Variants in ANKRD44 observed in about 807,000 individuals in gnomAD.
ANKRD44 encodes the protein serine/threonine-protein phosphatase 6 regulatory ankyrin repeat subunit B.
In ANKRD44, 35 loss-of-function variants were observed where a neutral mutation model predicts 116.0. The observed-to-expected ratio is 0.30, with a 90% confidence interval of 0.23 to 0.40. ANKRD44 has a LOEUF of 0.40. Among genes scored for constraint, ANKRD44 ranks in the 10% least tolerant of loss-of-function variants. The pLI, the probability that ANKRD44 is intolerant of heterozygous loss-of-function variation, is 1.00. For missense variants in ANKRD44, 1,014 were observed against 1,242.6 expected (o/e 0.82, Z 2.77); for synonymous variants, 435 against 461.8 (o/e 0.94, Z 0.74).
intron 27 of ANKRD44, among the ~76,000 whole-genome samples, chr2:196,993,162 AG>A (rs2125880455): frequency 6.6e-6 from 1 of 152,334 alleles, no homozygotes; most frequent in African/African-American, 2.4e-5. Context: ...AGAAAAAAAA[AG>A]TTTGATCTCA....
intron 4 of ANKRD44, among the ~76,000 whole-genome samples, chr2:197,130,889 G>C (rs2079079781): frequency 6.6e-6 from 1 of 152,168 alleles, no homozygotes; most frequent in South Asian, 2.1e-4. Context: ...TACCAGTTGG[G>C]TCTTCTGTCT....
At chr2:197,227,601 C>CA (rs140740345) in intron 1 of ANKRD44, among the ~76,000 whole-genome samples, 67,899 of 148,898 alleles carry the variant, frequency 0.46, 15,671 homozygotes, top group Middle Eastern at 0.65. Context: ...TTTGTTTTAC[C>CA]AAAAAAAACA....
At chr2:197,192,760 AAT>A (rs1276919654) in intron 1 of ANKRD44, among the ~76,000 whole-genome samples, 9 of 152,202 alleles carry the variant, frequency 5.9e-5, no homozygotes, top group African/African-American at 2.2e-4. Flanking sequence ...GTTCTTCCTG[AAT>A]ATAGATCACC....
chr2:197,288,077 C>T (rs1277449371), intron 1 of ANKRD44, among the ~76,000 whole-genome samples: 1 of 151,604 alleles, frequency 6.6e-6, no homozygotes, highest in East Asian at 1.9e-4. Context: ...GATGTACTCC[C>T]TCAAGACCAA....
intron 1 of ANKRD44, among the ~76,000 whole-genome samples, chr2:197,297,636 T>C (rs2083762239): frequency 6.6e-6 from 1 of 152,186 alleles, no homozygotes; most frequent in Non-Finnish European, 1.5e-5. Flanking sequence ...GCTGTGCACA[T>C]AGCCCAGGTC....
rs763668398 is a variant in ANKRD44, at chr2:197,125,874, G to A, written c.425C>T (p.Thr142Ile). Residue 142 changes from threonine (T) to isoleucine (I), a missense_variant, in exon 5 of 28, where the codon ACA (threonine) becomes ATA (isoleucine). Transcript: ENST00000282272. ...SVNVSDRGGRTALHHAALNGH... is the reference protein window; with the variant it reads ...SVNVSDRGGRIALHHAALNGH... ...GTTCAGAGCCGCATGGTGCAAGGCT[G>A]TGCGCCCCCCTCGGTCGGAGACATT... 5.0e-6 allele frequency: 8 copies of A among 1,614,046 alleles called. No individual in the cohort carries two copies. Among genetic ancestry groups the A allele is most frequent in the Non-Finnish European group, 6.8e-6 (8 of 1,180,044 alleles).
At chr2:197,204,105 A>G (rs1392350502) in intron 1 of ANKRD44, among the ~76,000 whole-genome samples, 2 of 152,216 alleles carry the variant, frequency 1.3e-5, no homozygotes, top group Non-Finnish European at 2.9e-5. Context: ...TTTTGCCACA[A>G]TAAAAAAAAT....
intron 1 of ANKRD44, among the ~76,000 whole-genome samples, chr2:197,293,995 T>C (rs889324177): frequency 2.0e-5 from 3 of 152,122 alleles, no homozygotes; most frequent in Admixed American, 6.6e-5. Context: ...GCAAATGAAA[T>C]GCACCTCAGA....
intron 1 of ANKRD44, among the ~76,000 whole-genome samples, chr2:197,213,859 A>G (rs540469136): frequency 3.9e-5 from 6 of 152,248 alleles, no homozygotes; most frequent in East Asian, 3.8e-4. Flanking sequence ...AGGTACATAC[A>G]GCAACTTTAA....
At chr2:197,119,188 C>A (rs2078794407) in intron 8 of ANKRD44, among the ~76,000 whole-genome samples, 1 of 151,770 alleles carries the variant, frequency 6.6e-6, no homozygotes. Flanking sequence ...TTTTTGTAGT[C>A]ATATATATGA....
chr2:197,202,036 GCCCCTCCTCCA>G (rs2081102626), intron 1 of ANKRD44, among the ~76,000 whole-genome samples: 1 of 152,340 alleles, frequency 6.6e-6, no homozygotes, highest in East Asian at 1.9e-4. Context: ...ACTTTTAGCT[GCCCCTCCTCCA>G]CCCAGGGATA....
intron 1 of ANKRD44, among the ~76,000 whole-genome samples, chr2:197,294,932 T>A (rs1022467090): frequency 6.6e-6 from 1 of 152,192 alleles, no homozygotes; most frequent in African/African-American, 2.4e-5. Context: ...ACATATTAAC[T>A]GTTTCTGAGT....
Position 197,083,661 on chromosome 2 carries a change from C to T in ANKRD44, c.1317-152G>A, listed in dbSNP as rs181809592. 11 of 681,864 alleles carry T rather than the reference C, an allele frequency of 1.6e-5. No homozygotes were observed. In the East Asian group the frequency reaches 3.1e-4, roughly 19 times the overall value. The allele number at this position is 681,864 out of a possible 1,614,324, so 42.2% of individuals were successfully genotyped here. A position where few individuals can be genotyped will look rare whatever the true frequency, so the allele number is the denominator to read the frequency against. Reference sequence around the variant, plus strand: ...AAAGTCATGCCTTCCTTCAACTATACAAGTTAGGTATCCCTTATCTGAAAT... The same window carrying T: ...AAAGTCATGCCTTCCTTCAACTATATAAGTTAGGTATCCCTTATCTGAAAT... On this transcript the variant is annotated intron_variant, in intron 13 of 27. Transcript: ENST00000282272.
intron 1 of ANKRD44, among the ~76,000 whole-genome samples, chr2:197,293,606 GA>G (rs532150307): frequency 2.8e-4 from 42 of 152,306 alleles, no homozygotes; most frequent in African/African-American, 9.9e-4. Flanking sequence ...AAGCATATTA[GA>G]GAGGAATTTT....
chr2:197,057,517 G>C (rs1025923116), intron 16 of ANKRD44, among the ~76,000 whole-genome samples: 9 of 152,052 alleles, frequency 5.9e-5, no homozygotes, highest in Middle Eastern at 3.4e-3. Context: ...TCTCCAGAAC[G>C]TTATAATCTT....
At chr2:197,255,061 A>G (rs1013563635) in intron 1 of ANKRD44, among the ~76,000 whole-genome samples, 2 of 152,222 alleles carry the variant, frequency 1.3e-5, no homozygotes, top group Non-Finnish European at 2.9e-5. Flanking sequence ...TTCCCTGTCC[A>G]GAGAATGTGA....
chr2:197,144,893 A>AAAC (rs1030238761), intron 3 of ANKRD44, among the ~76,000 whole-genome samples: 1 of 152,182 alleles, frequency 6.6e-6, no homozygotes, highest in Non-Finnish European at 1.5e-5. Context: ...TCAGATGTAG[A>AAAC]AACAACAACA....
chr2:197,038,293 C>T (rs916467001), intron 16 of ANKRD44, among the ~76,000 whole-genome samples: 4 of 151,022 alleles, frequency 2.6e-5, no homozygotes, highest in Non-Finnish European at 5.9e-5. Context: ...GAGCCTTCTT[C>T]TATCCAATTT....
intron 16 of ANKRD44, among the ~76,000 whole-genome samples, chr2:197,063,593 T>C (rs2077365515): frequency 6.6e-6 from 1 of 152,134 alleles, no homozygotes; most frequent in Admixed American, 6.6e-5. Context: ...AAAACCAGTG[T>C]AGAGAAGTCT....
Sources: gnomAD v4.1 joint callset for allele counts (sites outside exome capture counted in the v4.1 genomes callset) on GRCh38, gnomAD v4.1.1 for gene constraint, MANE v1.5 for transcripts, NCBI Gene and HGNC (gene_info 2026-07-23, HGNC 2026-07-21) for gene names.